PCDHGA4: variants seen among roughly 807,000 people sequenced by gnomAD.
PCDHGA4 encodes the protein protocadherin gamma subfamily A, 4, also known as protocadherin gamma-A4.
A neutral mutation model predicts 54.6 loss-of-function variants in PCDHGA4; 38 were observed. The observed-to-expected ratio is 0.70, with a 90% CI of 0.54 to 0.91. PCDHGA4 has a LOEUF of 0.91. PCDHGA4 is among the 40% of genes least tolerant of loss of function. PCDHGA4 has a pLI of 0.00. For synonymous variants in PCDHGA4, 511 were observed against 512.9 expected, an observed-to-expected ratio of 1.00 and a Z score of 0.05; for missense variants, 1,298 against 1,220.9, an observed-to-expected ratio of 1.06 and a Z score of -0.94.
chr5:141,365,810 G>A, intron 1 of PCDHGA4: 1 of 1,613,920 alleles, frequency 6.2e-7, no homozygotes, highest in East Asian at 2.2e-5. Flanking sequence ...CCTGGCTGAA[G>A]ACACATTTCA....
rs1361609314 is a variant in PCDHGA4 at position 141,423,642 on chromosome 5, TGACCC to T, written c.2514+66025_2514+66029del. 6 of 1,596,888 alleles carry T rather than the reference TGACCC, an allele frequency of 3.8e-6. No individual in the cohort carries two copies. In the South Asian group the frequency reaches 5.7e-5, roughly 15 times the overall value. ...ACTCAGCTATCATTTTAGGCAAATGTGACCCGACAAGTAATCAGGTGAGATTTATT... is the reference window on the plus strand; with the variant it reads ...ACTCAGCTATCATTTTAGGCAAATGTGACAAGTAATCAGGTGAGATTTATT... On this transcript the variant is annotated intron_variant, in intron 1 of 3. Transcript: ENST00000571252.
intron 1 of PCDHGA4, chr5:141,413,070 T>C: frequency 8.4e-7 from 1 of 1,195,132 alleles, no homozygotes; most frequent in African/African-American, 1.5e-5. Context: ...GAATTTAAAG[T>C]GCCCAGGCTA....
At chr5:141,402,934 A>G in intron 1 of PCDHGA4, 1 of 1,586,622 alleles carries the variant, frequency 6.3e-7, no homozygotes, top group Non-Finnish European at 8.6e-7. Flanking sequence ...TTTTGAGAAA[A>G]TTCCAAAGCG....
intron 1 of PCDHGA4, chr5:141,365,114 C>T (rs1763745605): frequency 6.2e-7 from 1 of 1,613,902 alleles, no homozygotes; most frequent in African/African-American, 1.3e-5. Flanking sequence ...CACTCGGCTG[C>T]TCATGCTAAC....
intron 1 of PCDHGA4, among the ~76,000 whole-genome samples, chr5:141,373,222 G>C (rs899880588): frequency 6.6e-6 from 1 of 152,116 alleles, no homozygotes; most frequent in African/African-American, 2.4e-5. Context: ...AATGTAACCT[G>C]TATATAATAT....
intron 1 of PCDHGA4, chr5:141,422,759 A>G (rs2096670710): frequency 6.2e-7 from 1 of 1,613,252 alleles, no homozygotes; most frequent in Non-Finnish European, 8.5e-7. Flanking sequence ...ATTAACTCCA[A>G]CACTGGTGTT....
intron 1 of PCDHGA4, among the ~76,000 whole-genome samples, chr5:141,481,245 T>C (rs1362728826): frequency 6.6e-6 from 1 of 152,194 alleles, no homozygotes; most frequent in East Asian, 1.9e-4. Context: ...TTACATAGCA[T>C]AGCTCTAAAA....
intron 1 of PCDHGA4, among the ~76,000 whole-genome samples, chr5:141,397,628 A>T (rs2093548217): frequency 6.6e-6 from 1 of 152,242 alleles, no homozygotes; most frequent in Non-Finnish European, 1.5e-5. Flanking sequence ...AGTTCTAGCT[A>T]AGAGTTCAAG....
chr5:141,492,320 G>A (rs1001784912), intron 1 of PCDHGA4, among the ~76,000 whole-genome samples: 1 of 152,206 alleles, frequency 6.6e-6, no homozygotes. Flanking sequence ...CTCCTCGCAC[G>A]TGGGCTTACG....
At chr5:141,423,250 G>T in intron 1 of PCDHGA4, 1 of 1,613,954 alleles carries the variant, frequency 6.2e-7, no homozygotes, top group Non-Finnish European at 8.5e-7. Context: ...AGTCCTGGCG[G>T]ACCTCGGCAG....
intron 1 of PCDHGA4, chr5:141,433,153 A>G (rs896611410): frequency 3.1e-6 from 5 of 1,613,482 alleles, no homozygotes; most frequent in African/African-American, 2.7e-5. Flanking sequence ...GTGATTCGGT[A>G]TTTTCTAAAG....
rs761396116 is a variant in PCDHGA4 at position 141,409,790 on chromosome 5, C to T, written c.2514+52169C>T. 4 of 1,612,010 alleles carry T rather than the reference C, an allele frequency of 2.5e-6. No homozygotes were observed. The Admixed American group carries it at 5.0e-5, about 20-fold the overall frequency. ...TCACGAGCAGCTGCGCGCCTTCGCGCTCACGCTGCAGGCCCGCGACCACGG... is the reference window on the plus strand; with the variant it reads ...TCACGAGCAGCTGCGCGCCTTCGCGTTCACGCTGCAGGCCCGCGACCACGG... On this transcript the variant is annotated intron_variant, in intron 1 of 3. Transcript: ENST00000571252.
chr5:141,407,047 T>C (rs75652968), intron 1 of PCDHGA4, among the ~76,000 whole-genome samples: 6,428 of 152,316 alleles, frequency 0.042, 220 homozygotes, highest in African/African-American at 0.092. Flanking sequence ...GATCCATAGA[T>C]ACACTGATGA....
At chr5:141,374,860 A>C in intron 1 of PCDHGA4, 1 of 1,613,772 alleles carries the variant, frequency 6.2e-7, no homozygotes, top group East Asian at 2.2e-5. Context: ...CAGTAGGCAC[A>C]CCAGTGTTGG....
intron 1 of PCDHGA4, among the ~76,000 whole-genome samples, chr5:141,459,838 A>C (rs944807247): frequency 1.3e-5 from 2 of 152,098 alleles, no homozygotes; most frequent in African/African-American, 4.8e-5. Context: ...TGTGTTGTCT[A>C]TTTGTATATC....
chr5:141,395,657 T>C (rs1400217115), intron 1 of PCDHGA4: 1 of 162,996 alleles, frequency 6.1e-6, no homozygotes, highest in African/African-American at 2.4e-5. Context: ...TTAGCAAAAG[T>C]AAAATATATC....
rs1299162270 is a variant in PCDHGA4 at position 141,413,906 on chromosome 5, C to T, written c.2514+56285C>T. ...GTCTTCGATGCAAATGACAACGCGC[C>T]GGTCTTCACCTTGCCAGAATACCGA... On this transcript the variant is annotated intron_variant, in intron 1 of 3. Transcript: ENST00000571252. The T allele has an allele frequency of 1.9e-6, 3 of 1,613,190 alleles. No homozygotes were observed. The highest frequency in any genetic ancestry group is 1.7e-6 in the Non-Finnish European group (2 of 1,179,870).
At chr5:141,478,720 G>T (rs2154576937) in intron 1 of PCDHGA4, 1 of 1,543,694 alleles carries the variant, frequency 6.5e-7, no homozygotes, top group Admixed American at 2.0e-5. Context: ...ATGGTGGCCT[G>T]CCAGAGTGTG....
chr5:141,385,360 T>C, intron 1 of PCDHGA4: 1 of 1,545,774 alleles, frequency 6.5e-7, no homozygotes, highest in South Asian at 1.3e-5. Context: ...ATGAGGAATT[T>C]ATTTGCATGA....
Sources: gnomAD v4.1 joint callset for allele counts (sites outside exome capture counted in the v4.1 genomes callset) on GRCh38, gnomAD v4.1.1 for gene constraint, MANE v1.5 for transcripts, NCBI Gene and HGNC (gene_info 2026-07-23, HGNC 2026-07-21) for gene names.